The following TUSC3 variants were observed in gnomAD, a reference collection of about 807,000 sequenced individuals.
TUSC3 encodes tumor suppressor candidate 3.
In TUSC3, 45 loss-of-function variants were observed where a neutral mutation model predicts 44.8. The observed-to-expected ratio is 1.00, with a 90% confidence interval of 0.79 to 1.29. The LOEUF is 1.29. Ranked by LOEUF, TUSC3 falls within the 50% of genes most tolerant of loss-of-function variation. The pLI is 0.00. For missense variants in TUSC3, 519 were observed against 437.9 expected (o/e 1.19, Z -1.65); for synonymous variants, 212 against 152.9 (o/e 1.39, Z -2.85).
chr8:15,676,290 G>T (rs1398008159), intron 6 of TUSC3, among the ~76,000 whole-genome samples: 3 of 152,086 alleles, frequency 2.0e-5, no homozygotes, highest in African/African-American at 7.2e-5. Flanking sequence ...AGAAGTGTCT[G>T]TTCATGTCTT....
intron 6 of TUSC3, among the ~76,000 whole-genome samples, chr8:15,675,405 T>C (rs1808140777): frequency 7.1e-6 from 1 of 140,128 alleles, no homozygotes; most frequent in South Asian, 2.1e-4. Flanking sequence ...TTTTAACATA[T>C]TGTATTCTTT....
chr8:15,810,162 G>A, the TUSC3 span, among the ~76,000 whole-genome samples: 1 of 152,110 alleles, frequency 6.6e-6, no homozygotes, highest in Non-Finnish European at 1.5e-5. Flanking sequence ...AAATTCTCAG[G>A]TCCCACTCCA....
chr8:15,618,853 C>T (rs144041340), intron 1 of TUSC3, among the ~76,000 whole-genome samples: 15 of 152,266 alleles, frequency 9.9e-5, no homozygotes, highest in African/African-American at 2.6e-4. Context: ...AGTGTTACCA[C>T]GGCTGCCCTT....
chr8:15,600,770 A>G (rs565170088), intron 1 of TUSC3, among the ~76,000 whole-genome samples: 4 of 151,818 alleles, frequency 2.6e-5, no homozygotes, highest in African/African-American at 9.6e-5. Context: ...TGTAGATTCT[A>G]AACTTTTTAA....
intron 1 of TUSC3, among the ~76,000 whole-genome samples, chr8:15,575,430 C>A (rs960758141): frequency 2.6e-5 from 4 of 152,030 alleles, no homozygotes; most frequent in African/African-American, 9.7e-5. Flanking sequence ...TGTGTACATT[C>A]ATTGCTTCAT....
the TUSC3 span, among the ~76,000 whole-genome samples, chr8:15,793,514 A>G: frequency 3.3e-5 from 5 of 152,018 alleles, no homozygotes; most frequent in South Asian, 1.0e-3. Flanking sequence ...TGCTTGTGTG[A>G]TGTTCCCTAC....
At chr8:15,799,763 G>A in the TUSC3 span, among the ~76,000 whole-genome samples, 8 of 152,274 alleles carry the variant, frequency 5.3e-5, no homozygotes, top group East Asian at 1.9e-4. Flanking sequence ...ACTATGAAGG[G>A]TCTGAAATCT....
intron 6 of TUSC3, among the ~76,000 whole-genome samples, chr8:15,718,020 G>C (rs1403546174): frequency 2.6e-5 from 4 of 152,102 alleles, no homozygotes; most frequent in Non-Finnish European, 4.4e-5. Context: ...TTATGAAACA[G>C]AATATCTAAG....
chr8:15,543,570 A>G (rs1054522378), intron 1 of TUSC3, among the ~76,000 whole-genome samples: 2 of 152,106 alleles, frequency 1.3e-5, no homozygotes, highest in Non-Finnish European at 2.9e-5. Context: ...TGTATGTAAC[A>G]TGTAAAATAT....
At chr8:15,532,699 T>G (rs901112725) in intron 2 of TUSC3, among the ~76,000 whole-genome samples, 1 of 152,214 alleles carries the variant, frequency 6.6e-6, no homozygotes, top group Non-Finnish European at 1.5e-5. Flanking sequence ...GCTCCCATAA[T>G]TACCATTTGT....
At chr8:15,747,320 TTTTTCAAATTG>T (rs1175278247) in intron 8 of TUSC3, among the ~76,000 whole-genome samples, 2 of 152,010 alleles carry the variant, frequency 1.3e-5, no homozygotes, top group Non-Finnish European at 2.9e-5. Flanking sequence ...ACTTCAAATA[TTTTTCAAATTG>T]TTTAGAATTC....
At chr8:15,444,646 C>G (rs1800067061) in intron 1 of TUSC3, among the ~76,000 whole-genome samples, 1 of 152,146 alleles carries the variant, frequency 6.6e-6, no homozygotes, top group South Asian at 2.1e-4. Context: ...CAAATCAGAG[C>G]CCATTTTAGA....
chr8:15,544,852 A>G (rs1007638092), intron 1 of TUSC3, among the ~76,000 whole-genome samples: 1 of 151,816 alleles, frequency 6.6e-6, no homozygotes, highest in African/African-American at 2.4e-5. Context: ...GATTGTATGT[A>G]TGACCACCCC....
intron 1 of TUSC3, among the ~76,000 whole-genome samples, chr8:15,436,696 C>G (rs1038141423): frequency 2.0e-5 from 3 of 150,702 alleles, no homozygotes; most frequent in Non-Finnish European, 4.5e-5. Context: ...AGAACTTTCA[C>G]AAAAAAAATA....
intron 5 of TUSC3, among the ~76,000 whole-genome samples, chr8:15,670,031 G>A (rs13439195): frequency 0.031 from 4,724 of 151,866 alleles, 222 homozygotes; most frequent in African/African-American, 0.11. Context: ...TATTGTCATA[G>A]CATCACAAAA....
chr8:15,431,938 G>T (rs955178321), intron 1 of TUSC3, among the ~76,000 whole-genome samples: 2 of 135,268 alleles, frequency 1.5e-5, no homozygotes, highest in Non-Finnish European at 3.0e-5. Flanking sequence ...ATTTATTTAT[G>T]TTGCACTATC....
intron 2 of TUSC3, among the ~76,000 whole-genome samples, chr8:15,531,372 C>G (rs1402517731): frequency 1.3e-5 from 2 of 152,172 alleles, no homozygotes; most frequent in African/African-American, 4.8e-5. Context: ...CTGCCTCAGC[C>G]TCCCGCATAG....
intron 2 of TUSC3, among the ~76,000 whole-genome samples, chr8:15,523,252 T>G (rs576937736): frequency 1.2e-4 from 19 of 152,200 alleles, no homozygotes; most frequent in African/African-American, 4.6e-4. Context: ...GTGTAAAGCC[T>G]GAAGGAAGTG....
chr8:15,701,504 T>C (rs977542722), intron 6 of TUSC3, among the ~76,000 whole-genome samples: 10 of 152,148 alleles, frequency 6.6e-5, no homozygotes, highest in Admixed American at 3.9e-4. Flanking sequence ...AATTTTGTAG[T>C]CGATATAGTA....
Sources: allele counts gnomAD v4.1 joint callset (sites outside exome capture counted in the v4.1 genomes callset), GRCh38; gene constraint gnomAD v4.1.1; transcripts MANE v1.5; gene names NCBI Gene and HGNC (gene_info 2026-07-23, HGNC 2026-07-21).